RCAN2: variants seen among roughly 807,000 people sequenced by gnomAD.
RCAN2 encodes calcipressin-2.
Under a neutral mutation model 23.6 loss-of-function variants are expected in RCAN2, and 9 were observed. The observed-to-expected ratio is 0.38, with a 90% CI of 0.23 to 0.67. RCAN2 has a LOEUF of 0.67. Ranked by LOEUF, RCAN2 falls within the 30% of genes least tolerant of loss-of-function variation. RCAN2 has a pLI of 0.51. For synonymous variants in RCAN2, 109 were observed against 115.7 expected (o/e 0.94, Z 0.37); for missense variants, 273 against 302.3 (o/e 0.90, Z 0.72).
chr6:46,481,006 T>A (rs1050759865), intron 1 of RCAN2, among the ~76,000 whole-genome samples: 8 of 152,230 alleles, frequency 5.3e-5, no homozygotes, highest in African/African-American at 1.9e-4. Context: ...AGTTCGTGTT[T>A]CCGAATTATT....
chr6:46,325,435 G>A lies in RCAN2; in HGVS notation c.226-76539C>T, dbSNP rs768634720. 3 of 1,614,176 alleles carry A rather than the reference G, an allele frequency of 1.9e-6. No individual in the cohort carries two copies. The South Asian group carries it at 3.3e-5, about 18-fold the overall frequency. On this transcript the variant is annotated intron_variant, in intron 2 of 4. Coordinates refer to ENST00000371374, the MANE Select transcript of RCAN2 (RefSeq NM_001251974.2). ...TAAAGACCTCGACATCCACCACACA[G>A]GCAACCAGAGTGGAAACATCACAGT...
At chr6:46,438,574 C>T (rs62402384) in intron 2 of RCAN2, 2,164 of 152,552 alleles carry the variant, frequency 0.014, 23 homozygotes, top group Non-Finnish European at 0.023. Context: ...AGGAGCTGAA[C>T]AACGTCCTGG....
rs557844197 is a variant in RCAN2, at chr6:46,346,566, A to T, written c.226-97670T>A. Among the ~76,000 whole-genome samples the T allele has an allele frequency of 1.1e-4, 17 of 152,292 alleles. No homozygotes were observed. In the East Asian group the frequency reaches 3.1e-3, roughly 28 times the overall value. Reference sequence around the variant, plus strand: ...AATTATGAGAAATCTATGGGATGAGATATTATGCAACCATTAAAAGTAGGT... The same window carrying T: ...AATTATGAGAAATCTATGGGATGAGTTATTATGCAACCATTAAAAGTAGGT... On this transcript the variant is annotated intron_variant, in intron 2 of 4. Transcript: ENST00000371374.
rs1057358732 is a variant in RCAN2, at chr6:46,242,785, C to A, written c.571+3963G>T. 2.0e-5 allele frequency among the ~76,000 whole-genome samples: 3 copies of A among 152,322 alleles called. No individual in the cohort carries two copies. The South Asian group carries it at 6.2e-4, about 32-fold the overall frequency. On this transcript the variant is annotated intron_variant, in intron 4 of 4. Transcript: ENST00000371374. ...AAAACATTAATTTAATGCTTCCCGA[C>A]TGAGTCTGGCTAAAGCTATAAGAAA...
intron 2 of RCAN2, among the ~76,000 whole-genome samples, chr6:46,286,030 T>C (rs573102737): frequency 1.3e-4 from 20 of 152,244 alleles, no homozygotes; most frequent in Non-Finnish European, 2.6e-4. Flanking sequence ...ATTATTAATA[T>C]GTAGCAGCTG....
intron 2 of RCAN2, among the ~76,000 whole-genome samples, chr6:46,361,241 A>G (rs571786256): frequency 6.6e-6 from 1 of 152,314 alleles, no homozygotes; most frequent in South Asian, 2.1e-4. Flanking sequence ...GAGAGTCTGC[A>G]TGTAATGAGA....
At chr6:46,452,261 C>T (rs1408335333) in intron 2 of RCAN2, among the ~76,000 whole-genome samples, 5 of 152,180 alleles carry the variant, frequency 3.3e-5, no homozygotes, top group Non-Finnish European at 7.4e-5. Context: ...AGTCTCTGCT[C>T]TCTAGTGTCC....
intron 2 of RCAN2, among the ~76,000 whole-genome samples, chr6:46,414,931 A>T (rs1379847267): frequency 6.6e-6 from 1 of 152,196 alleles, no homozygotes; most frequent in East Asian, 1.9e-4. Flanking sequence ...CACTGTATGG[A>T]GAAGTGAAGA....
chr6:46,409,479 A>G (rs1282404435), intron 2 of RCAN2, among the ~76,000 whole-genome samples: 1 of 152,222 alleles, frequency 6.6e-6, no homozygotes. Flanking sequence ...ATATACATAC[A>G]CTAGACTCTC....
intron 2 of RCAN2, among the ~76,000 whole-genome samples, chr6:46,276,146 C>T (rs138431276): frequency 2.0e-4 from 31 of 152,256 alleles, no homozygotes; most frequent in African/African-American, 7.5e-4. Flanking sequence ...GTGGAGGTTG[C>T]ATTGAGCTGA....
At chr6:46,269,620 A>G (rs936284719) in intron 2 of RCAN2, among the ~76,000 whole-genome samples, 6 of 152,216 alleles carry the variant, frequency 3.9e-5, no homozygotes, top group African/African-American at 1.4e-4. Context: ...GCTAGTAAGT[A>G]AAGACGGCTG....
At chr6:46,268,847 T>C (rs1767430347) in intron 2 of RCAN2, among the ~76,000 whole-genome samples, 2 of 152,346 alleles carry the variant, frequency 1.3e-5, no homozygotes, top group African/African-American at 4.8e-5. Flanking sequence ...TTTTTCCCCA[T>C]TATTTCTGGA....
chr6:46,357,982 T>C (rs1220411388), intron 2 of RCAN2, among the ~76,000 whole-genome samples: 4 of 152,216 alleles, frequency 2.6e-5, no homozygotes, highest in African/African-American at 9.6e-5. Context: ...ACTGGCTTAA[T>C]GTGAATTGGA....
intron 2 of RCAN2, among the ~76,000 whole-genome samples, chr6:46,388,115 A>AG (rs966543723): frequency 7.0e-6 from 1 of 142,338 alleles, no homozygotes; most frequent in African/African-American, 2.5e-5. Context: ...GGGTGGGGGT[A>AG]GGGGGGAGGG....
intron 2 of RCAN2, among the ~76,000 whole-genome samples, chr6:46,390,027 A>G (rs1301528397): frequency 6.6e-6 from 1 of 152,192 alleles, no homozygotes; most frequent in Non-Finnish European, 1.5e-5. Context: ...ACCAAAAAAA[A>G]AAAAAAAAAT....
chr6:46,307,660 T>C (rs1763115273), intron 2 of RCAN2, among the ~76,000 whole-genome samples: 1 of 152,132 alleles, frequency 6.6e-6, no homozygotes, highest in Non-Finnish European at 1.5e-5. Context: ...GAGCTTGCAT[T>C]CTAGTGAGAG....
intron 2 of RCAN2, among the ~76,000 whole-genome samples, chr6:46,266,028 G>C (rs139616920): frequency 6.6e-6 from 1 of 152,096 alleles, no homozygotes; most frequent in African/African-American, 2.4e-5. Context: ...ACAGATCAGC[G>C]GTGGCAGCAT....
rs549218247 is a variant in RCAN2, at chr6:46,427,400, A to G, written c.225+29352T>C. ...TGACCTTCAATTTCCTCATCAGTAA[A>G]TGGATGTAAGTATTAGTACCTTTCC... On this transcript the variant is annotated intron_variant, in intron 2 of 4. Coordinates refer to ENST00000371374, the MANE Select transcript of RCAN2 (RefSeq NM_001251974.2). 2.0e-5 allele frequency among the ~76,000 whole-genome samples: 3 copies of G among 152,320 alleles called. No homozygotes were observed. In the East Asian group the frequency reaches 5.8e-4, roughly 29 times the overall value.
intron 1 of RCAN2, among the ~76,000 whole-genome samples, chr6:46,467,543 C>T (rs915792752): frequency 7.2e-5 from 11 of 152,214 alleles, no homozygotes; most frequent in Admixed American, 6.5e-5. Context: ...TCCTCTCTTT[C>T]CTAGAGTCAT....
Sources: allele counts gnomAD v4.1 joint callset (sites outside exome capture counted in the v4.1 genomes callset), GRCh38; gene constraint gnomAD v4.1.1; transcripts MANE v1.5; gene names NCBI Gene and HGNC (gene_info 2026-07-23, HGNC 2026-07-21).